CLASP2: variants seen among roughly 807,000 people sequenced by gnomAD.
CLASP2 encodes the protein CLIP-associating protein 2.
In CLASP2, 47 loss-of-function variants were observed where a neutral mutation model predicts 194.4. The ratio of observed to expected loss-of-function variants is 0.24; its 90% CI spans 0.19 to 0.31. CLASP2 has a LOEUF of 0.31. CLASP2 is among the 10% of genes least tolerant of loss of function. CLASP2 has a pLI of 1.00. For synonymous variants in CLASP2, 619 were observed against 633.5 expected (o/e 0.98, Z 0.34); for missense variants, 1,445 against 1,823.6 (o/e 0.79, Z 3.78).
At chr3:33,673,317 C>T (rs1375315251) in intron 6 of CLASP2, among the ~76,000 whole-genome samples, 1 of 152,090 alleles carries the variant, frequency 6.6e-6, no homozygotes, top group Non-Finnish European at 1.5e-5. Context: ...AATTTTCAAC[C>T]CAGAATTTCA....
intron 36 of CLASP2, chr3:33,514,510 A>G (rs1004070975): frequency 1.2e-5 from 2 of 163,418 alleles, no homozygotes; most frequent in African/African-American, 4.7e-5. Flanking sequence ...CATTCATTTT[A>G]TCTCACTGCT....
intron 29 of CLASP2, among the ~76,000 whole-genome samples, chr3:33,555,837 T>C (rs1289006263): frequency 6.6e-6 from 1 of 152,246 alleles, no homozygotes. Context: ...TGCAGTGCCT[T>C]AGCAATTTAT....
Position 33,596,746 on chromosome 3 carries a change from G to A in CLASP2, c.1925-12C>T. Reference sequence around the variant, plus strand: ...GTCAGAAGTATCCTCTTTGATGAAAGCACAAGCAAAGAACAGAGGAAAACT... The same window carrying A: ...GTCAGAAGTATCCTCTTTGATGAAAACACAAGCAAAGAACAGAGGAAAACT... On this transcript the variant is annotated splice_polypyrimidine_tract_variant and intron_variant, in intron 18 of 38. Coordinates refer to ENST00000682230, the MANE Select transcript of CLASP2 (RefSeq NM_001365631.1). The A allele has an allele frequency of 6.4e-7, 1 of 1,557,912 alleles. No individual in the cohort carries two copies. Among genetic ancestry groups the A allele is most frequent in the Non-Finnish European group, 8.7e-7 (1 of 1,148,346 alleles).
chr3:33,578,127 C>G (rs542157696), intron 23 of CLASP2, among the ~76,000 whole-genome samples: 1 of 152,296 alleles, frequency 6.6e-6, no homozygotes, highest in South Asian at 2.1e-4. Context: ...TGCCCTTAAA[C>G]AGTAGATGTA....
Position 33,703,310 on chromosome 3 carries a change from C to T in CLASP2, c.196-6377G>A, listed in dbSNP as rs2092488380. Among the ~76,000 whole-genome samples, 3 of 151,916 alleles carry T rather than the reference C, an allele frequency of 2.0e-5. No individual in the cohort carries two copies. The South Asian group carries it at 6.2e-4, about 32-fold the overall frequency. On this transcript the variant is annotated intron_variant, in intron 1 of 38. Coordinates refer to ENST00000682230, the MANE Select transcript of CLASP2 (RefSeq NM_001365631.1). ...GCAAAAGATCCAAACAGTGCCTCAC[C>T]AAAAAAGATGTAAGATATATAAACA...
chr3:33,531,189 T>C (rs984830536), intron 34 of CLASP2, among the ~76,000 whole-genome samples: 12 of 151,866 alleles, frequency 7.9e-5, no homozygotes, highest in Admixed American at 5.9e-4. Flanking sequence ...ACAACAAAAA[T>C]AGGCAAATTA....
intron 16 of CLASP2, among the ~76,000 whole-genome samples, chr3:33,606,320 T>TA (rs1045213039): frequency 1.5e-4 from 22 of 151,318 alleles, no homozygotes; most frequent in African/African-American, 4.6e-4. Context: ...TTTGTGGTAT[T>TA]AAAAAAAAAT....
chr3:33,609,098 G>A (rs1435612166), intron 13 of CLASP2, among the ~76,000 whole-genome samples: 1 of 151,894 alleles, frequency 6.6e-6, no homozygotes, highest in African/African-American at 2.4e-5. Context: ...TGGCCAACAT[G>A]GTGAAGCTCT....
intron 11 of CLASP2, among the ~76,000 whole-genome samples, chr3:33,620,997 T>TTG (rs60682503): frequency 0.065 from 9,302 of 142,446 alleles, 297 homozygotes; most frequent in African/African-American, 0.076. Context: ...CTGTAGCTCT[T>TTG]TGTGTGTGTG....
chr3:33,709,871 G>T (rs1458126309), intron 1 of CLASP2, among the ~76,000 whole-genome samples: 3 of 152,162 alleles, frequency 2.0e-5, no homozygotes, highest in African/African-American at 7.2e-5. Flanking sequence ...CTTACTAAAA[G>T]ATTTAGAAAT....
intron 21 of CLASP2, among the ~76,000 whole-genome samples, chr3:33,587,755 G>A (rs1411848111): frequency 6.6e-6 from 1 of 152,114 alleles, no homozygotes; most frequent in Non-Finnish European, 1.5e-5. Context: ...TTTTCTCCAT[G>A]CAGTGTCTAA....
chr3:33,695,003 G>A (rs2091723011), intron 2 of CLASP2, among the ~76,000 whole-genome samples: 2 of 147,436 alleles, frequency 1.4e-5, no homozygotes, highest in Admixed American at 1.4e-4. Flanking sequence ...GTGAGAGAAA[G>A]AAAGAAACAA....
intron 1 of CLASP2, among the ~76,000 whole-genome samples, chr3:33,697,896 A>T (rs2092067871): frequency 1.3e-5 from 2 of 152,224 alleles, no homozygotes; most frequent in Non-Finnish European, 2.9e-5. Flanking sequence ...GGGTAAGAAG[A>T]AGTCAGTTAT....
At chr3:33,599,326 T>C (rs990684160) in intron 18 of CLASP2, among the ~76,000 whole-genome samples, 3 of 152,068 alleles carry the variant, frequency 2.0e-5, no homozygotes, top group Non-Finnish European at 4.4e-5. Flanking sequence ...TTTCGCCATG[T>C]TGCCCAGGCT....
At chr3:33,644,531 A>G in intron 8 of CLASP2, 1 of 513,678 alleles carries the variant, frequency 1.9e-6, no homozygotes, top group South Asian at 2.5e-5. Context: ...AAAAATAAAT[A>G]CCCTCAAGAA....
At chr3:33,549,772 T>A (rs923917020) in intron 30 of CLASP2, among the ~76,000 whole-genome samples, 1 of 151,268 alleles carries the variant, frequency 6.6e-6, no homozygotes, top group African/African-American at 2.4e-5. Flanking sequence ...AAGGTCTCAC[T>A]CTGTCACCCA....
chr3:33,612,504 G>C (rs191804967), intron 12 of CLASP2, among the ~76,000 whole-genome samples: 1 of 152,238 alleles, frequency 6.6e-6, no homozygotes, highest in Non-Finnish European at 1.5e-5. Context: ...ACTTTGAAAT[G>C]GTGGTCTTAA....
At chr3:33,548,894 A>G (rs2059579394) in intron 30 of CLASP2, among the ~76,000 whole-genome samples, 1 of 145,476 alleles carries the variant, frequency 6.9e-6, no homozygotes, top group Non-Finnish European at 1.5e-5. Flanking sequence ...CAGTCTCTTG[A>G]GTATCTGGGA....
chr3:33,629,768 A>C (rs1337831184), intron 9 of CLASP2, among the ~76,000 whole-genome samples: 1 of 151,800 alleles, frequency 6.6e-6, no homozygotes, highest in African/African-American at 2.4e-5. Context: ...AGTATTAAAA[A>C]AAAATCATTG....
Sources: gnomAD v4.1 joint callset for allele counts (sites outside exome capture counted in the v4.1 genomes callset) on GRCh38, gnomAD v4.1.1 for gene constraint, MANE v1.5 for transcripts, NCBI Gene and HGNC (gene_info 2026-07-23, HGNC 2026-07-21) for gene names.